The following TAF1B variants were observed in gnomAD, a reference collection of about 807,000 sequenced individuals.
TAF1B encodes TATA box-binding protein-associated factor RNA polymerase I subunit B.
TAF1B carries 61 observed loss-of-function variants against 83.9 expected under a neutral mutation model. That is an observed-to-expected ratio of 0.73 (90% CI 0.59 to 0.90). The LOEUF (loss-of-function observed/expected upper bound fraction) is 0.90, where lower values mean the gene tolerates loss of function less well. TAF1B is among the 40% of genes least tolerant of loss of function. TAF1B has a pLI of 0.00. For missense variants in TAF1B, 625 were observed against 677.0 expected (o/e 0.92, Z 0.85); for synonymous variants, 221 against 224.6 (o/e 0.98, Z 0.14).
Position 9,880,426 on chromosome 2 carries a change from CTTTTTTTTT to C in TAF1B, c.708-2263_708-2255del, listed in dbSNP as rs6146620. Among the ~76,000 whole-genome samples, 504 of 75,088 alleles carry C rather than the reference CTTTTTTTTT, an allele frequency of 6.7e-3. 4 individuals carry two copies. Among genetic ancestry groups the C allele is most frequent in the African/African-American group, 0.025 (461 of 18,742 alleles). The allele number at this position is 75,088 out of a possible 152,430, so 49.3% of individuals were successfully genotyped here. The stretch of plus-strand genomic sequence containing the variant: ...ATTGTTCAGAACTTTGAGTAAGCAG[CTTTTTTTTT>C]TTTTTTTTTTTTTTTTGGAAAAACA... On this transcript the variant is annotated intron_variant, in intron 7 of 14. Transcript: ENST00000263663.
intron 14 of TAF1B, among the ~76,000 whole-genome samples, chr2:9,920,579 C>CGGGG (rs1004901534): frequency 1.0e-5 from 1 of 96,434 alleles, no homozygotes; most frequent in Non-Finnish European, 2.0e-5. Flanking sequence ...TAGACTGGGG[C>CGGGG]GGGGGGCGGG....
intron 8 of TAF1B, among the ~76,000 whole-genome samples, chr2:9,902,753 AC>A (rs1665220796): frequency 6.6e-6 from 1 of 152,254 alleles, no homozygotes; most frequent in Non-Finnish European, 1.5e-5. Context: ...TGCTGAGTAT[AC>A]ATAGCTAGGA....
chr2:9,879,895 G>A (rs888346959), intron 7 of TAF1B, among the ~76,000 whole-genome samples: 2 of 152,190 alleles, frequency 1.3e-5, no homozygotes, highest in African/African-American at 4.8e-5. Context: ...CACTCTGGAA[G>A]GAAACCTCAT....
intron 11 of TAF1B, among the ~76,000 whole-genome samples, chr2:9,912,060 G>A (rs756737702): frequency 5.3e-5 from 8 of 152,144 alleles, no homozygotes; most frequent in Admixed American, 4.6e-4. Context: ...AACTCCTGCC[G>A]CAGTCACTCT....
chr2:9,861,417 C>A lies in TAF1B; in HGVS notation c.400-6859C>A, dbSNP rs532364872. Among the ~76,000 whole-genome samples the A allele has an allele frequency of 2.6e-5, 4 of 152,298 alleles. No homozygotes were observed. The East Asian group carries it at 5.8e-4, about 22-fold the overall frequency. On this transcript the variant is annotated intron_variant, in intron 5 of 14. Coordinates refer to ENST00000263663, the MANE Select transcript of TAF1B (RefSeq NM_005680.3). ...GCTGGGGAGGGGCGCCCGCCATTGCCGAGGCTTGAGTAGGTAAACAAAGCT... is the reference window on the plus strand; with the variant it reads ...GCTGGGGAGGGGCGCCCGCCATTGCAGAGGCTTGAGTAGGTAAACAAAGCT...
At chr2:9,904,009 A>G (rs970529758) in intron 8 of TAF1B, among the ~76,000 whole-genome samples, 1 of 152,152 alleles carries the variant, frequency 6.6e-6, no homozygotes, top group Admixed American at 6.6e-5. Context: ...CAAATTCCAA[A>G]TTTTATTCAG....
intron 8 of TAF1B, among the ~76,000 whole-genome samples, chr2:9,886,893 T>C (rs543576918): frequency 1.3e-5 from 2 of 152,246 alleles, no homozygotes; most frequent in South Asian, 2.1e-4. Flanking sequence ...GGTGAAACCC[T>C]GTCTCTACTA....
At chr2:9,869,705 A>G (rs976676680) in intron 6 of TAF1B, among the ~76,000 whole-genome samples, 7 of 151,374 alleles carry the variant, frequency 4.6e-5, no homozygotes, top group Non-Finnish European at 8.8e-5. Context: ...GAGAAACCCC[A>G]TCTCTACTAA....
At chr2:9,871,158 C>T (rs1050879803) in intron 6 of TAF1B, among the ~76,000 whole-genome samples, 3 of 152,140 alleles carry the variant, frequency 2.0e-5, no homozygotes, top group African/African-American at 4.8e-5. Context: ...TGGCTCACTG[C>T]AAGCTCCACC....
intron 14 of TAF1B, among the ~76,000 whole-genome samples, chr2:9,923,330 A>G (rs1317213333): frequency 2.6e-5 from 4 of 152,082 alleles, no homozygotes; most frequent in Non-Finnish European, 5.9e-5. Context: ...AAAGTTGTCT[A>G]TATTAAGATT....
At chr2:9,901,320 GAATCT>G (rs1665170714) in intron 8 of TAF1B, among the ~76,000 whole-genome samples, 1 of 152,074 alleles carries the variant, frequency 6.6e-6, no homozygotes, top group Non-Finnish European at 1.5e-5. Flanking sequence ...GCAGAATCTG[GAATCT>G]AATCTATAGG....
At chr2:9,866,322 A>G (rs1663974618) in intron 5 of TAF1B, among the ~76,000 whole-genome samples, 1 of 152,232 alleles carries the variant, frequency 6.6e-6, no homozygotes, top group South Asian at 2.1e-4. Flanking sequence ...GCAGCCCACA[A>G]ACACATGAAA....
At chr2:9,932,590 T>C (rs939919536) in intron 14 of TAF1B, among the ~76,000 whole-genome samples, 4 of 152,146 alleles carry the variant, frequency 2.6e-5, no homozygotes, top group Non-Finnish European at 1.5e-5. Context: ...AGTCGGCCCT[T>C]ACTGGGAGGT....
rs193062984 is a variant in TAF1B at position 9,927,102 on chromosome 2, T to G, written c.1566-6681T>G. On this transcript the variant is annotated intron_variant, in intron 14 of 14. Coordinates refer to ENST00000263663, the MANE Select transcript of TAF1B (RefSeq NM_005680.3). ...GTTCTCATTGTTCAATTCCCACTTA[T>G]GAGTGAGAACATATGGTGTTTGGTT... Among the ~76,000 whole-genome samples the G allele has an allele frequency of 6.8e-3, 977 of 144,154 alleles. 12 individuals are homozygous for G. Among genetic ancestry groups the G allele is most frequent in the African/African-American group, 0.024 (939 of 39,900 alleles). The allele number at this position is 144,154 out of a possible 152,430, so 94.6% of individuals were successfully genotyped here.
intron 12 of TAF1B, among the ~76,000 whole-genome samples, chr2:9,918,030 C>T (rs1004341043): frequency 6.6e-6 from 1 of 151,124 alleles, no homozygotes; most frequent in Non-Finnish European, 1.5e-5. Flanking sequence ...CGAGATCCCA[C>T]CACTGCACTC....
intron 14 of TAF1B, among the ~76,000 whole-genome samples, chr2:9,928,892 CTA>C (rs933357707): frequency 6.6e-6 from 1 of 152,154 alleles, no homozygotes; most frequent in African/African-American, 2.4e-5. Flanking sequence ...ACTTCCAACA[CTA>C]TGTTGAATAG....
intron 7 of TAF1B, among the ~76,000 whole-genome samples, chr2:9,882,145 G>A (rs939762319): frequency 1.3e-5 from 2 of 150,476 alleles, no homozygotes; most frequent in African/African-American, 4.9e-5. Flanking sequence ...TTGCTCTGTT[G>A]CCCAGGCTGG....
chr2:9,934,173 T>G lies in TAF1B; in HGVS notation c.*189T>G, dbSNP rs1666305012. 2.0e-6 allele frequency: 1 copy of G among 512,476 alleles called. No homozygotes were observed. The highest frequency in any genetic ancestry group is 3.4e-6 in the Non-Finnish European group (1 of 292,350). The allele number at this position is 512,476 out of a possible 1,614,324, so 31.7% of individuals were successfully genotyped here. A position where few individuals can be genotyped will look rare whatever the true frequency, so the allele number is the denominator to read the frequency against. On this transcript the variant is annotated 3_prime_UTR_variant, in exon 15 of 15. Coordinates refer to ENST00000263663, the MANE Select transcript of TAF1B (RefSeq NM_005680.3). ...AAAGCAGGTGAGCTTCATTTGATTTTATTTTTCAGAGTATGAACATTCTAA... is the reference window on the plus strand; with the variant it reads ...AAAGCAGGTGAGCTTCATTTGATTTGATTTTTCAGAGTATGAACATTCTAA...
chr2:9,900,232 C>T (rs1221790605), intron 8 of TAF1B, among the ~76,000 whole-genome samples: 1 of 152,202 alleles, frequency 6.6e-6, no homozygotes, highest in Non-Finnish European at 1.5e-5. Flanking sequence ...ACCAGATTTT[C>T]ATTTTGTAAT....
Sources: gnomAD v4.1 joint callset for allele counts (sites outside exome capture counted in the v4.1 genomes callset) on GRCh38, gnomAD v4.1.1 for gene constraint, MANE v1.5 for transcripts, NCBI Gene and HGNC (gene_info 2026-07-23, HGNC 2026-07-21) for gene names.